The following SLC17A1 variants were observed in gnomAD, a reference collection of about 807,000 sequenced individuals.
SLC17A1 encodes the protein sodium-dependent phosphate transport protein 1.
SLC17A1 carries 51 observed loss-of-function variants against 53.5 expected under a neutral mutation model. The observed-to-expected ratio is 0.95, with a 90% CI of 0.76 to 1.20. SLC17A1 has a LOEUF of 1.20. SLC17A1 is among the 50% of genes most tolerant of loss of function. The pLI, the probability that SLC17A1 is intolerant of heterozygous loss-of-function variation, is 0.00. For missense variants in SLC17A1, 538 were observed against 568.2 expected (o/e 0.95, Z 0.54); for synonymous variants, 179 against 198.8 (o/e 0.90, Z 0.84).
chr6:25,820,394 A>T (rs1429546748), intron 3 of SLC17A1, among the ~76,000 whole-genome samples: 1 of 152,232 alleles, frequency 6.6e-6, no homozygotes, highest in Non-Finnish European at 1.5e-5. Context: ...CAGAGAGCAA[A>T]GTCATGAAAG....
At chr6:25,811,803 T>C in intron 8 of SLC17A1, 33 bp from the exon 9 acceptor site, 1 of 1,612,388 alleles carries the variant, frequency 6.2e-7, no homozygotes, top group Non-Finnish European at 8.5e-7. Flanking sequence ...GGAGTGAGTT[T>C]GATGGGTAAA....
chr6:25,726,878 C>T, the SLC17A1 span: 33 of 1,581,726 alleles, frequency 2.1e-5, no homozygotes, highest in Non-Finnish European at 2.7e-5. Context: ...TGGAAAAGAA[C>T]CGTGTAACGC....
the SLC17A1 span, chr6:25,727,030 T>C: frequency 3.7e-6 from 6 of 1,614,122 alleles, no homozygotes; most frequent in African/African-American, 1.3e-5. Context: ...AGTTATTCTA[T>C]TTACATCTAC....
intron 6 of SLC17A1, among the ~76,000 whole-genome samples, chr6:25,815,758 G>A (rs895501185): frequency 3.3e-5 from 5 of 152,122 alleles, no homozygotes; most frequent in Admixed American, 6.5e-5. Context: ...TCTTCCACCT[G>A]GAGAGCATAT....
At chr6:25,769,006 G>C in the SLC17A1 span, 1 of 1,613,940 alleles carries the variant, frequency 6.2e-7, no homozygotes, top group Non-Finnish European at 8.5e-7. Context: ...GTCCGACATG[G>C]GCTGGCCCTC....
At chr6:25,771,255 G>T in the SLC17A1 span, among the ~76,000 whole-genome samples, 2 of 152,104 alleles carry the variant, frequency 1.3e-5, no homozygotes, top group African/African-American at 2.4e-5. Context: ...GGAATTCAGA[G>T]CAAATTATCT....
intron 3 of SLC17A1, among the ~76,000 whole-genome samples, chr6:25,825,147 G>C (rs749796916): frequency 2.6e-5 from 4 of 151,806 alleles, no homozygotes. Context: ...AATATTTGAG[G>C]ATCTTTATTT....
chr6:25,830,437 A>G, intron 2 of SLC17A1, 87 bp downstream of exon 2: 1 of 1,046,838 alleles, frequency 9.6e-7, no homozygotes, highest in Non-Finnish European at 1.5e-6. Context: ...CCATATGTAT[A>G]TCACAAAAAT....
At chr6:25,726,493 C>T in the SLC17A1 span, 19 of 1,611,852 alleles carry the variant, frequency 1.2e-5, no homozygotes, top group African/African-American at 2.7e-5. Context: ...AGACTTGGCG[C>T]GTGCTTTTCC....
intron 6 of SLC17A1, 35 bp from the exon 7 acceptor site, chr6:25,813,248 C>G (rs944323748): frequency 6.6e-7 from 1 of 1,523,572 alleles, no homozygotes; most frequent in African/African-American, 1.4e-5. Flanking sequence ...TTGGAAGTCT[C>G]TGTTTGTAGT....
chr6:25,830,270 A>C (rs1764899389), intron 2 of SLC17A1, among the ~76,000 whole-genome samples: 1 of 152,170 alleles, frequency 6.6e-6, no homozygotes, highest in Non-Finnish European at 1.5e-5. Flanking sequence ...GTTTTTTCTG[A>C]TATTTTCCAC....
intron 10 of SLC17A1, 55 bp from the exon 11 acceptor site, chr6:25,801,035 T>C: frequency 1.1e-6 from 1 of 934,878 alleles, no homozygotes; most frequent in Non-Finnish European, 1.7e-6. Flanking sequence ...CTGCAGGAAA[T>C]GCAAACCTAA....
At chr6:25,753,382 G>A in the SLC17A1 span, among the ~76,000 whole-genome samples, 11 of 152,104 alleles carry the variant, frequency 7.2e-5, no homozygotes. Flanking sequence ...TTTCTCCTAG[G>A]TTCTCTGGGA....
chr6:25,732,022 G>T, the SLC17A1 span: 1 of 1,476,876 alleles, frequency 6.8e-7, no homozygotes, highest in Non-Finnish European at 9.2e-7. Flanking sequence ...GCGTGGACCT[G>T]CTTCAGCAGC....
chr6:25,793,366 G>T (rs1455040781), intron 12 of SLC17A1, among the ~76,000 whole-genome samples: 1 of 152,150 alleles, frequency 6.6e-6, no homozygotes. Flanking sequence ...GTGCAAGTGA[G>T]AACAAATTTT....
At chr6:25,764,602 G>A in the SLC17A1 span, among the ~76,000 whole-genome samples, 3,680 of 152,298 alleles carry the variant, frequency 0.024, 64 homozygotes, top group Middle Eastern at 0.095. Flanking sequence ...CATCCTTGAG[G>A]CAGGGTGCAG....
At chr6:25,743,069 G>C in the SLC17A1 span, among the ~76,000 whole-genome samples, 1 of 152,120 alleles carries the variant, frequency 6.6e-6, no homozygotes, top group Non-Finnish European at 1.5e-5. Context: ...TAGAACACCT[G>C]GGAAGCCATG....
At chr6:25,796,893 G>A (rs1180231298) in intron 12 of SLC17A1, among the ~76,000 whole-genome samples, 2 of 151,736 alleles carry the variant, frequency 1.3e-5, no homozygotes, top group South Asian at 2.1e-4. Flanking sequence ...ATTGCTTATC[G>A]CACAGATGAG....
downstream of SLC17A1, among the ~76,000 whole-genome samples, chr6:25,781,344 G>A (rs1488271115): frequency 6.6e-6 from 1 of 152,118 alleles, no homozygotes; most frequent in Non-Finnish European, 1.5e-5. Context: ...CTAAGAAAGG[G>A]AAGGGAAGAG....
Sources: allele counts gnomAD v4.1 joint callset (sites outside exome capture counted in the v4.1 genomes callset), GRCh38; gene constraint gnomAD v4.1.1; transcripts MANE v1.5; gene names NCBI Gene and HGNC (gene_info 2026-07-23, HGNC 2026-07-21).